IGFBP5: variants seen among roughly 807,000 people sequenced by gnomAD.
IGFBP5 encodes insulin-like growth factor-binding protein 5.
In IGFBP5, 12 loss-of-function variants were observed where a neutral mutation model predicts 28.0. The observed-to-expected ratio is 0.43, with a 90% confidence interval of 0.27 to 0.69. IGFBP5 has a LOEUF of 0.69. Ranked by LOEUF, IGFBP5 falls within the 30% of genes least tolerant of loss-of-function variation. IGFBP5 has a pLI of 0.20. For synonymous variants in IGFBP5, 152 were observed against 150.2 expected, an observed-to-expected ratio of 1.01 and a Z score of -0.09; for missense variants, 344 against 381.6, an observed-to-expected ratio of 0.90 and a Z score of 0.82.
At chr2:216,690,374 GTC>G (rs1048468107) in intron 1 of IGFBP5, among the ~76,000 whole-genome samples, 1 of 152,186 alleles carries the variant, frequency 6.6e-6, no homozygotes, top group African/African-American at 2.4e-5. Flanking sequence ...GATGTAGTGG[GTC>G]TGGAGTGTGG....
At position 216,694,271 on chromosome 2, in the gene IGFBP5, A is replaced by G. The variant is rs1013819089; in HGVS notation, c.337+168T>C. On this transcript the variant is annotated intron_variant, in intron 1 of 3. Coordinates refer to ENST00000233813, the MANE Select transcript of IGFBP5 (RefSeq NM_000599.4). This position sits in a 1 kb window ranked among gnomAD's most constrained non-coding sequence, Gnocchi z 5.2. ...ACTCGGCTAGACAGTTCCCCCGGGTAGCAGGATCCTCCAGGGCTCCAATTC... is the reference window on the plus strand; with the variant it reads ...ACTCGGCTAGACAGTTCCCCCGGGTGGCAGGATCCTCCAGGGCTCCAATTC... 1.3e-5 allele frequency among the ~76,000 whole-genome samples: 2 copies of G among 152,112 alleles called. No homozygotes were observed. The highest frequency in any genetic ancestry group is 4.8e-5 in the African/African-American group (2 of 41,426).
At position 216,678,140 on chromosome 2, in the gene IGFBP5, T is replaced by C; in HGVS notation, c.659A>G (p.Asp220Gly). ...VPRAVYLPNC[D>G]RKGFYKRKQC... is the part of the protein sequence containing the mutation. Reference sequence around the variant, plus strand: ...CTTTCTCTTGTAGAATCCTTTGCGGTCACAATTGGGCAGGTACACAGCACG... The same window carrying C: ...CTTTCTCTTGTAGAATCCTTTGCGGCCACAATTGGGCAGGTACACAGCACG... The change falls in exon 3 of 4, where the codon GAC becomes GGC. Residue 220 changes from aspartate (D) to glycine (G), a missense_variant. Asp to Gly is a moderately conservative substitution (Grantham distance 94). Around this residue, in one of 3 missense-constraint regions of IGFBP5, gnomAD observed 304 missense variants for 329.2 expected, o/e 0.92. Transcript: ENST00000233813. 6.4e-7 allele frequency: 1 copy of C among 1,569,774 alleles called. No individual in the cohort carries two copies. Among genetic ancestry groups the C allele is most frequent in the South Asian group, 1.2e-5 (1 of 84,872 alleles).
rs1403441908 is a variant in IGFBP5 at position 216,673,879 on chromosome 2, G to A, written c.*2872C>T. 2 of 152,506 alleles carry A rather than the reference G, an allele frequency of 1.3e-5. No individual in the cohort carries two copies. The highest frequency in any genetic ancestry group is 2.9e-5 in the Non-Finnish European group (2 of 68,070). The allele number at this position is 152,506 out of a possible 1,614,324, so 9.4% of individuals were successfully genotyped here. ...TCCATGAAGGCCCAGCTTCTCTGGG[G>A]AGTGACCAGCTGCCCAGGAGAAACT... is the stretch of plus-strand genomic sequence containing the variant. On this transcript the variant is annotated 3_prime_UTR_variant, in exon 4 of 4. Coordinates refer to ENST00000233813, the MANE Select transcript of IGFBP5 (RefSeq NM_000599.4). This position sits in a 1 kb window ranked among gnomAD's most constrained non-coding sequence, Gnocchi z 4.3.
At chr2:216,680,909 A>G (rs1688971051) in intron 1 of IGFBP5, among the ~76,000 whole-genome samples, 1 of 152,138 alleles carries the variant, frequency 6.6e-6, no homozygotes, top group African/African-American at 2.4e-5. Flanking sequence ...CTGCTCTATC[A>G]GACCCTGCTG....
chr2:216,693,445 G>A (rs1574584321), intron 1 of IGFBP5, among the ~76,000 whole-genome samples: 1 of 151,718 alleles, frequency 6.6e-6, no homozygotes, highest in African/African-American at 2.4e-5. Flanking sequence ...GGGGAGGGCG[G>A]GGTGGGGGGA....
chr2:216,676,837 C>T lies in IGFBP5; in HGVS notation c.733G>A (p.Asp245Asn), dbSNP rs1688906430. The change falls in exon 4 of 4, where the codon GAC becomes AAC. Residue 245 changes from aspartate (D) to asparagine (N), a missense_variant. By Grantham distance (23) the Asp-to-Asn change is conservative. Transcript: ENST00000233813. ...GRKRGICWCV[D>N]KYGMKLPGME... Reference sequence around the variant, plus strand: ...CCTGGCAGCTTCATCCCGTACTTGTCCACGCACCAGCAGATGCCACGTTTG... The same window carrying T: ...CCTGGCAGCTTCATCCCGTACTTGTTCACGCACCAGCAGATGCCACGTTTG... 1 of 1,613,920 alleles carries T rather than the reference C, an allele frequency of 6.2e-7. No homozygotes were observed. The highest frequency in any genetic ancestry group is 1.7e-5 in the Admixed American group (1 of 59,990).
rs1272696917 is a variant in IGFBP5 at position 216,674,072 on chromosome 2, GAGAGAGCCCCTCTCA to G, written c.*2664_*2678del. The G allele has an allele frequency of 2.0e-5, 3 of 152,784 alleles. No individual in the cohort carries two copies. Among genetic ancestry groups the G allele is most frequent in the Non-Finnish European group, 4.4e-5 (3 of 68,114 alleles). 9.5% of individuals were successfully genotyped at this position (152,784 alleles called of 1,614,324 possible). On this transcript the variant is annotated 3_prime_UTR_variant, in exon 4 of 4. Transcript: ENST00000233813. The surrounding 1 kb of genome is among the most constrained non-coding windows in gnomAD (Gnocchi z 4.4). Reference sequence around the variant, plus strand: ...TCAAAGTCCAGACACAGTCCGTGAAGAGAGAGCCCCTCTCAAGAATTAGGTCCAGGCTGGGAGGAA... The same window carrying G: ...TCAAAGTCCAGACACAGTCCGTGAAGAGAATTAGGTCCAGGCTGGGAGGAA...
chr2:216,694,417 C>G lies in IGFBP5; in HGVS notation c.337+22G>C. 6.0e-6 allele frequency: 9 copies of G among 1,491,376 alleles called. No individual in the cohort carries two copies. Among genetic ancestry groups the G allele is most frequent in the Non-Finnish European group, 8.0e-6 (9 of 1,122,230 alleles). 92.4% of individuals were successfully genotyped at this position (1,491,376 alleles called of 1,614,324 possible). On this transcript the variant is annotated intron_variant, in intron 1 of 3. Coordinates refer to ENST00000233813, the MANE Select transcript of IGFBP5 (RefSeq NM_000599.4). This position sits in a 1 kb window ranked among gnomAD's most constrained non-coding sequence, Gnocchi z 5.2. ...CCCCGCCCGTGCGCCGCGTAACTGA[C>G]TGGCACACTGAGCGCGCTCACCGAT... is the stretch of plus-strand genomic sequence containing the variant.
chr2:216,686,019 C>T (rs1340465432), intron 1 of IGFBP5, among the ~76,000 whole-genome samples: 1 of 150,654 alleles, frequency 6.6e-6, no homozygotes, highest in East Asian at 1.9e-4. Context: ...AAACCCAAAG[C>T]TGTCATCCTA....
At chr2:216,690,989 G>C (rs553689933) in intron 1 of IGFBP5, among the ~76,000 whole-genome samples, 1 of 152,012 alleles carries the variant, frequency 6.6e-6, no homozygotes, top group African/African-American at 2.4e-5. Context: ...CTCAGGGCAC[G>C]CCATCCTCTC....
chr2:216,681,395 G>A (rs1176921876), intron 1 of IGFBP5, among the ~76,000 whole-genome samples: 1 of 152,166 alleles, frequency 6.6e-6, no homozygotes, highest in Non-Finnish European at 1.5e-5. Flanking sequence ...TAAAGTGAGG[G>A]CAGGTGGGGG....
chr2:216,673,182 TGCGTG>T lies in IGFBP5; in HGVS notation c.*3564_*3568del, dbSNP rs1236172335. 1 of 152,614 alleles carries T rather than the reference TGCGTG, an allele frequency of 6.6e-6. No homozygotes were observed. The highest frequency in any genetic ancestry group is 1.5e-5 in the Non-Finnish European group (1 of 68,410). The allele number at this position is 152,614 out of a possible 1,614,324, so 9.5% of individuals were successfully genotyped here. On this transcript the variant is annotated 3_prime_UTR_variant, in exon 4 of 4. Transcript: ENST00000233813. This position sits in a 1 kb window ranked among gnomAD's most constrained non-coding sequence, Gnocchi z 4.3. The stretch of plus-strand genomic sequence containing the variant: ...GTGGCAGCCCTGTCTCACTAACCGG[TGCGTG>T]GCGGGAGCAGGTGGTTGAGGCCCAC...
chr2:216,687,390 G>T (rs1574581581), intron 1 of IGFBP5, among the ~76,000 whole-genome samples: 1 of 151,590 alleles, frequency 6.6e-6, no homozygotes, highest in Non-Finnish European at 1.5e-5. Context: ...CAGGTGGGAA[G>T]GTGACACCTC....
At chr2:216,677,425 A>T (rs1055110462) in intron 3 of IGFBP5, among the ~76,000 whole-genome samples, 11 of 152,190 alleles carry the variant, frequency 7.2e-5, no homozygotes, top group African/African-American at 2.4e-4. Context: ...TACTGTTCTA[A>T]GTGCTTTACA....
At position 216,694,373 on chromosome 2, in the gene IGFBP5, G is replaced by A. The variant is rs959399220; in HGVS notation, c.337+66C>T. ...GCCACTTGCTGCGCAAAGCGCGCGG[G>A]CCCAGCCGGTCTCGTGTCCCCCGCC... On this transcript the variant is annotated intron_variant, in intron 1 of 3. Coordinates refer to ENST00000233813, the MANE Select transcript of IGFBP5 (RefSeq NM_000599.4). The surrounding 1 kb of genome is among the most constrained non-coding windows in gnomAD (Gnocchi z 5.2). 25 of 1,367,030 alleles carry A rather than the reference G, an allele frequency of 1.8e-5. No individual in the cohort carries two copies. In the African/African-American group the frequency reaches 3.8e-4, roughly 21 times the overall value. 84.7% of individuals were successfully genotyped at this position (1,367,030 alleles called of 1,614,324 possible).
At position 216,678,121 on chromosome 2, in the gene IGFBP5, C is replaced by G. The variant is rs1559185976; in HGVS notation, c.678G>C (p.Lys226Asn). Residue 226 changes from lysine (K) to asparagine (N), a missense_variant, in exon 3 of 4, where the codon AAG (lysine) becomes AAC (asparagine). This residue lies in a region of IGFBP5 where 304 missense variants were observed against 329.2 expected (regional missense o/e 0.92). Transcript: ENST00000233813. Reference sequence around the variant, plus strand: ...AGGGCAGGGGACGTACCTGCTTTCTCTTGTAGAATCCTTTGCGGTCACAAT... The same window carrying G: ...AGGGCAGGGGACGTACCTGCTTTCTGTTGTAGAATCCTTTGCGGTCACAAT... ...LPNCDRKGFY[K>N]RKQCKPSRGR... The G allele has an allele frequency of 2.6e-6, 4 of 1,544,710 alleles. No homozygotes were observed. The highest frequency in any genetic ancestry group is 3.5e-6 in the Non-Finnish European group (4 of 1,138,976).
In IGFBP5 at chr2:216,694,548, C is replaced by T; in HGVS notation, c.228G>A (p.Gln76=). ...CCTGCCGGGGGAGGCAGCGCAGCCC[C>T]TGGGCGCAGCGCTCGGTGTAGACGC... ...SCGVYTERCA[Q]GLRCLPRQDE... The change falls in exon 1 of 4, where the codon CAG becomes CAA. Residue 76 remains glutamine (Q), a synonymous_variant. Coordinates refer to ENST00000233813, the MANE Select transcript of IGFBP5 (RefSeq NM_000599.4). This position sits in a 1 kb window ranked among gnomAD's most constrained non-coding sequence, Gnocchi z 5.2. The T allele has an allele frequency of 6.4e-7, 1 of 1,569,596 alleles. No individual in the cohort carries two copies. The highest frequency in any genetic ancestry group is 1.2e-5 in the South Asian group (1 of 85,812).
rs956035663 is a variant in IGFBP5, at chr2:216,672,241, G to A, written c.*4510C>T. ...TTAAGAAAATGTGAGATCCTTTGTT[G>A]GTTTTTTATTTCCTTAAGTACAAAA... On this transcript the variant is annotated 3_prime_UTR_variant, in exon 4 of 4. Coordinates refer to ENST00000233813, the MANE Select transcript of IGFBP5 (RefSeq NM_000599.4). The A allele has an allele frequency of 6.7e-6, 1 of 149,538 alleles. No individual in the cohort carries two copies. The highest frequency in any genetic ancestry group is 1.5e-5 in the Non-Finnish European group (1 of 67,734). 9.3% of individuals were successfully genotyped at this position (149,538 alleles called of 1,614,324 possible).
intron 3 of IGFBP5, among the ~76,000 whole-genome samples, chr2:216,677,175 G>A (rs1688910789): frequency 6.6e-6 from 1 of 151,796 alleles, no homozygotes; most frequent in Admixed American, 6.6e-5. Context: ...CTGAGCCCAA[G>A]TGATCTTCCT....
Sources: gnomAD v4.1 joint callset for allele counts (sites outside exome capture counted in the v4.1 genomes callset) on GRCh38, gnomAD v4.1.1 for gene constraint, gnomAD v4.1.1 regional missense constraint, Gnocchi (gnomAD v3.1) non-coding constraint, MANE v1.5 for transcripts, NCBI Gene and HGNC (gene_info 2026-07-23, HGNC 2026-07-21) for gene names.